The following TDRD12 variants were observed in gnomAD, a reference collection of about 807,000 sequenced individuals.
TDRD12 encodes the protein tudor domain containing 12, also known as putative ATP-dependent RNA helicase TDRD12.
In TDRD12, 158 loss-of-function variants were observed where a neutral mutation model predicts 133.5. The observed-to-expected ratio is 1.18, with a 90% CI of 1.04 to 1.35. The LOEUF (loss-of-function observed/expected upper bound fraction) is 1.35, where lower values mean the gene tolerates loss of function less well. Among genes scored for constraint, TDRD12 ranks in the 40% most tolerant of loss-of-function variants. TDRD12 has a pLI of 0.00. For missense variants in TDRD12, 1,443 were observed against 1,321.3 expected (o/e 1.09, Z -1.43); for synonymous variants, 460 against 477.9 (o/e 0.96, Z 0.49).
chr19:32,731,908 C>T (rs775787997), intron 2 of TDRD12, 25 bp downstream of exon 2: 9 of 1,514,002 alleles, frequency 5.9e-6, no homozygotes, highest in Non-Finnish European at 6.2e-6. Context: ...GTTCTTTAAT[C>T]ACTGTGTATT....
At chr19:32,773,955 G>T (rs1970508750) in intron 10 of TDRD12, among the ~76,000 whole-genome samples, 1 of 152,176 alleles carries the variant, frequency 6.6e-6, no homozygotes, top group Admixed American at 6.5e-5. Flanking sequence ...TGTAAGGCAG[G>T]TCTGAAGATT....
chr19:32,792,232 C>T (rs544354266), intron 13 of TDRD12, among the ~76,000 whole-genome samples: 240 of 150,960 alleles, frequency 1.6e-3, no homozygotes, highest in Middle Eastern at 0.01. Context: ...GGCAATAGAG[C>T]AAGACTCCGT....
At chr19:32,809,636 G>C (rs1242407562) in intron 22 of TDRD12, among the ~76,000 whole-genome samples, 1 of 152,156 alleles carries the variant, frequency 6.6e-6, no homozygotes, top group Non-Finnish European at 1.5e-5. Flanking sequence ...TGGCCTCTCT[G>C]TCCACTTCTG....
At chr19:32,803,227 T>G in intron 21 of TDRD12, 85 bp downstream of exon 21, 1 of 1,066,298 alleles carries the variant, frequency 9.4e-7, no homozygotes, top group Non-Finnish European at 1.3e-6. Context: ...AATTGTCATG[T>G]ATCTAGAAGC....
exon 10 of TDRD12, chr19:32,827,367 CTTTTCTTT>C: frequency 3.9e-6 from 1 of 256,400 alleles, no homozygotes. Context: ...TTTTTCTTTT[CTTTTCTTT>C]TTTTTTTTTT....
chr19:32,730,972 G>A (rs1271303991), intron 1 of TDRD12, among the ~76,000 whole-genome samples: 1 of 152,134 alleles, frequency 6.6e-6, no homozygotes, highest in Non-Finnish European at 1.5e-5. Context: ...CTGAGATTGC[G>A]CCACTGCACT....
chr19:32,822,894 T>A (rs192862233), downstream of TDRD12, among the ~76,000 whole-genome samples: 196 of 152,366 alleles, frequency 1.3e-3, no homozygotes, highest in African/African-American at 4.3e-3. Context: ...TCACTGTCTT[T>A]ATGAAATGGA....
intron 1 of TDRD12, among the ~76,000 whole-genome samples, chr19:32,726,007 T>C (rs1968846425): frequency 6.6e-6 from 1 of 152,148 alleles, no homozygotes; most frequent in Non-Finnish European, 1.5e-5. Flanking sequence ...TATTTTTTAT[T>C]GTAAAAAACA....
chr19:32,754,669 C>CTTTTTTTTT (rs35714049), intron 6 of TDRD12, among the ~76,000 whole-genome samples: 1 of 70,072 alleles, frequency 1.4e-5, no homozygotes, highest in Non-Finnish European at 2.5e-5. Context: ...ATGACTCTAT[C>CTTTTTTTTT]TTTTTTTTTT....
intron 8 of TDRD12, among the ~76,000 whole-genome samples, chr19:32,763,082 C>A (rs1970195921): frequency 6.6e-6 from 1 of 152,192 alleles, no homozygotes; most frequent in Non-Finnish European, 1.5e-5. Flanking sequence ...TCATTAAAAT[C>A]TTATGAGACC....
chr19:32,771,933 A>T (rs1970453758), intron 8 of TDRD12, among the ~76,000 whole-genome samples: 1 of 152,184 alleles, frequency 6.6e-6, no homozygotes, highest in Admixed American at 6.5e-5. Context: ...TCCTTTTATT[A>T]ATAGTAGGAC....
chr19:32,784,494 T>C (rs1395272616), intron 11 of TDRD12, among the ~76,000 whole-genome samples: 2 of 152,204 alleles, frequency 1.3e-5, no homozygotes, highest in Admixed American at 6.5e-5. Context: ...AGGATGATGC[T>C]GGCCTCATAA....
downstream of TDRD12, among the ~76,000 whole-genome samples, chr19:32,821,899 C>A (rs2145761640): frequency 1.3e-5 from 2 of 152,324 alleles, no homozygotes; most frequent in Middle Eastern, 3.4e-3. Context: ...AGGCTAATTG[C>A]ACGGACTTAG....
chr19:32,818,540 TG>T (rs1232425002), intron 27 of TDRD12, among the ~76,000 whole-genome samples: 1 of 152,182 alleles, frequency 6.6e-6, no homozygotes, highest in Non-Finnish European at 1.5e-5. Context: ...GATGGAGGCT[TG>T]GACCAGGTGG....
intron 8 of TDRD12, among the ~76,000 whole-genome samples, chr19:32,767,487 T>G (rs1312306755): frequency 1.3e-5 from 2 of 152,236 alleles, no homozygotes; most frequent in Admixed American, 6.5e-5. Context: ...TCATCATTTT[T>G]TATTAAGTAG....
intron 26 of TDRD12, among the ~76,000 whole-genome samples, chr19:32,816,553 T>C (rs930387596): frequency 6.6e-5 from 10 of 152,236 alleles, no homozygotes; most frequent in Non-Finnish European, 1.5e-4. Flanking sequence ...CTGGGGAAAT[T>C]TCCAGTTTGG....
At chr19:32,782,039 A>T (rs555752404) in intron 11 of TDRD12, among the ~76,000 whole-genome samples, 2 of 151,930 alleles carry the variant, frequency 1.3e-5, no homozygotes, top group Non-Finnish European at 2.9e-5. Context: ...ACATAAGTGT[A>T]CATGTGCCAT....
chr19:32,742,901 G>C lies in TDRD12; in HGVS notation c.440+1G>C. 6.4e-7 allele frequency: 1 copy of C among 1,550,728 alleles called. No homozygotes were observed. Among genetic ancestry groups the C allele is most frequent in the Non-Finnish European group, 8.7e-7 (1 of 1,146,772 alleles). ...TCTGCCGAGACAGTACTGACATTGT[G>C]TAAGTACAGTTTCTTAAGTCCTTCG... On this transcript the variant is annotated splice_donor_variant, in intron 4 of 27. Coordinates refer to ENST00000444215, the Ensembl canonical transcript of TDRD12. LOFTEE classifies it high-confidence loss of function.
chr19:32,731,716 A>T lies in TDRD12; in HGVS notation c.25-9A>T, dbSNP rs1969061198. ...ACGCTGTTCTGTTTGTCTTTTAAAA[A>T]ATTTACAGATTGAAGATCCAGGTTG... is the stretch of plus-strand genomic sequence containing the variant. On this transcript the variant is annotated splice_polypyrimidine_tract_variant and intron_variant, in intron 1 of 27. Coordinates refer to ENST00000444215, the Ensembl canonical transcript of TDRD12. The T allele has an allele frequency of 6.5e-7, 1 of 1,527,672 alleles. No homozygotes were observed. The highest frequency in any genetic ancestry group is 8.8e-7 in the Non-Finnish European group (1 of 1,139,050). 94.6% of individuals were successfully genotyped at this position (1,527,672 alleles called of 1,614,324 possible). A position where few individuals can be genotyped will look rare whatever the true frequency, so the allele number is the denominator to read the frequency against.
Sources: allele counts gnomAD v4.1 joint callset (sites outside exome capture counted in the v4.1 genomes callset), GRCh38; gene constraint gnomAD v4.1.1; transcripts MANE v1.5; gene names NCBI Gene and HGNC (gene_info 2026-07-23, HGNC 2026-07-21).